CCDC102A: variants seen among roughly 807,000 people sequenced by gnomAD.
CCDC102A encodes the protein coiled-coil domain containing 102A.
In CCDC102A, 40 loss-of-function variants were observed where a neutral mutation model predicts 55.5. The observed-to-expected ratio is 0.72, with a 90% CI of 0.56 to 0.94. CCDC102A has a LOEUF of 0.94. CCDC102A is among the 40% of genes least tolerant of loss of function. The probability of loss-of-function intolerance (pLI) is 0.00; values close to 1 mark genes in which losing one functional copy is unlikely to be tolerated. For synonymous variants in CCDC102A, 323 were observed against 339.0 expected (o/e 0.95, Z 0.52); for missense variants, 779 against 768.6 (o/e 1.01, Z -0.16).
chr16:57,513,357 T>C (rs2031897851), intron 8 of CCDC102A, among the ~76,000 whole-genome samples: 2 of 152,160 alleles, frequency 1.3e-5, no homozygotes, highest in African/African-American at 4.8e-5. Context: ...GAGGAAAACT[T>C]TGAGTCTAAG....
chr16:57,513,404 C>T (rs868425353), intron 8 of CCDC102A, among the ~76,000 whole-genome samples: 3 of 152,158 alleles, frequency 2.0e-5, no homozygotes, highest in South Asian at 2.1e-4. Context: ...CCTCCCCCAA[C>T]CCCCCAGCAA....
chr16:57,512,729 C>A lies in CCDC102A; in HGVS notation c.*12G>T, dbSNP rs778042315. 4 of 1,611,824 alleles carry A rather than the reference C, an allele frequency of 2.5e-6. No homozygotes were observed. Among genetic ancestry groups the A allele is most frequent in the Non-Finnish European group, 3.4e-6 (4 of 1,178,746 alleles). On this transcript the variant is annotated 3_prime_UTR_variant, in exon 9 of 9. Transcript: ENST00000258214. ...GTATGGGGCGGCCCATCCTGCCCAG[C>A]CACAGGAAGCTCTAGGCCACCTGGA...
chr16:57,525,548 AG>A (rs1330337588), intron 3 of CCDC102A, among the ~76,000 whole-genome samples: 1 of 152,156 alleles, frequency 6.6e-6, no homozygotes, highest in East Asian at 1.9e-4. Context: ...CCAAGGTCCC[AG>A]CTGCAACCTT....
chr16:57,528,498 G>T, intron 2 of CCDC102A, 95 bp downstream of exon 2: 1 of 901,226 alleles, frequency 1.1e-6, no homozygotes, highest in Non-Finnish European at 1.4e-6. Context: ...AGGAGGCCAG[G>T]CCTTTACTAG....
chr16:57,521,916 AG>A (rs1483229373), intron 3 of CCDC102A, among the ~76,000 whole-genome samples: 71 of 152,320 alleles, frequency 4.7e-4, no homozygotes, highest in African/African-American at 1.7e-3. Flanking sequence ...GGGTTCCCAG[AG>A]GGGACAACGT....
upstream of CCDC102A, chr16:57,536,702 C>G (rs924763990): frequency 6.6e-6 from 1 of 152,182 alleles, no homozygotes; most frequent in Non-Finnish European, 1.5e-5. Flanking sequence ...CCCGGCCCAC[C>G]GAGCTGCTGG....
chr16:57,531,601 A>G (rs1181181560), intron 1 of CCDC102A, among the ~76,000 whole-genome samples: 1 of 152,098 alleles, frequency 6.6e-6, no homozygotes, highest in East Asian at 1.9e-4. Context: ...TGTCATTACC[A>G]ATACTGATTC....
In CCDC102A at chr16:57,518,612, T is replaced by C. The variant is rs1296861747; in HGVS notation, c.1038+13A>G. ...TAAACCCAGGTCCTCCTGGGTCCCA[T>C]CCATGGCCTCACCTCGCCCCTCAGC... On this transcript the variant is annotated intron_variant, in intron 5 of 8. Coordinates refer to ENST00000258214, the MANE Select transcript of CCDC102A (RefSeq NM_033212.4). The C allele has an allele frequency of 6.2e-7, 1 of 1,606,418 alleles. No individual in the cohort carries two copies. Among genetic ancestry groups the C allele is most frequent in the South Asian group, 1.1e-5 (1 of 90,930 alleles).
In CCDC102A at chr16:57,526,013, G is replaced by C. The variant is rs769113206; in HGVS notation, c.700C>G (p.Arg234Gly). 27 of 1,604,768 alleles carry C rather than the reference G, an allele frequency of 1.7e-5. No homozygotes were observed. The African/African-American group carries it at 2.8e-4, about 17-fold the overall frequency. The change falls in exon 3 of 9, where the codon CGC becomes GGC. Residue 234 changes from arginine to glycine, a missense_variant. Physicochemically the swap from Arg to Gly is moderately radical, Grantham distance 125. Transcript: ENST00000258214. ...GPRGSSGRQE[R>G]SRLPWEDTAA... Reference sequence around the variant, plus strand: ...GTGTCCTCCCAGGGTAGCCGGCTGCGCTCCTGGCGGCCTGAGCTGCCCCGC... The same window carrying C: ...GTGTCCTCCCAGGGTAGCCGGCTGCCCTCCTGGCGGCCTGAGCTGCCCCGC...
Position 57,526,082 on chromosome 16 carries a change from A to G in CCDC102A, c.631T>C (p.Ser211Pro), listed in dbSNP as rs1296427963. Residue 211 changes from serine (S) to proline (P), a missense_variant, in exon 3 of 9, where the codon TCT becomes CCT. Coordinates refer to ENST00000258214, the MANE Select transcript of CCDC102A (RefSeq NM_033212.4). Reference protein sequence around the residue: ...ESLLKSMPEESEDCWEARSLG... With the variant: ...ESLLKSMPEEPEDCWEARSLG... Reference sequence around the variant, plus strand: ...CTGCGCGCCTCCCAGCAGTCCTCAGACTCCTCTGGCATGCTCTTCAGCAGG... The same window carrying G: ...CTGCGCGCCTCCCAGCAGTCCTCAGGCTCCTCTGGCATGCTCTTCAGCAGG... The G allele has an allele frequency of 1.3e-6, 2 of 1,577,904 alleles. No homozygotes were observed. The highest frequency in any genetic ancestry group is 1.7e-6 in the Non-Finnish European group (2 of 1,167,450).
Position 57,512,304 on chromosome 16 carries a change from AC to A in CCDC102A, c.*436del, listed in dbSNP as rs1258949193. The A allele has an allele frequency of 3.5e-5, 14 of 397,976 alleles. No individual in the cohort carries two copies. The highest frequency in any genetic ancestry group is 1.2e-3 in the Middle Eastern group (2 of 1,604). The allele number at this position is 397,976 out of a possible 1,614,324, so 24.7% of individuals were successfully genotyped here. On this transcript the variant is annotated 3_prime_UTR_variant, in exon 9 of 9. Transcript: ENST00000258214. Reference sequence around the variant, plus strand: ...TGCCATACTTTCAGATGCCCCAAGAACTTGAACTTCATTTATTACAAATAAC... The same window carrying A: ...TGCCATACTTTCAGATGCCCCAAGAATTGAACTTCATTTATTACAAATAAC...
At chr16:57,535,275 G>A (rs1434193120) in intron 1 of CCDC102A, among the ~76,000 whole-genome samples, 7 of 152,302 alleles carry the variant, frequency 4.6e-5, no homozygotes, top group African/African-American at 1.7e-4. Context: ...TGGCGGCTAG[G>A]CCTCCAGGCT....
chr16:57,514,436 G>C (rs1216580820), intron 8 of CCDC102A, among the ~76,000 whole-genome samples: 1 of 152,206 alleles, frequency 6.6e-6, no homozygotes, highest in Non-Finnish European at 1.5e-5. Context: ...CTGGTCTCAA[G>C]CAATCCTCTT....
intron 6 of CCDC102A, 126 bp downstream of exon 6, chr16:57,517,942 C>A (rs181396595): frequency 2.7e-6 from 3 of 1,123,876 alleles, no homozygotes; most frequent in Non-Finnish European, 3.8e-6. Flanking sequence ...TGGTCTAGCA[C>A]ACAAGGTGCT....
chr16:57,524,853 T>C (rs2032109859), intron 3 of CCDC102A, among the ~76,000 whole-genome samples: 2 of 152,212 alleles, frequency 1.3e-5, no homozygotes, highest in African/African-American at 2.4e-5. Flanking sequence ...GACCTCCACA[T>C]TCTAAATCCA....
intron 5 of CCDC102A, among the ~76,000 whole-genome samples, 167 bp downstream of exon 5, chr16:57,518,457 CT>C (rs2031995686): frequency 6.6e-6 from 1 of 152,246 alleles, no homozygotes; most frequent in African/African-American, 2.4e-5. Flanking sequence ...CTTCTGGCCT[CT>C]GTGTGGGAGA....
intron 5 of CCDC102A, 76 bp downstream of exon 5, chr16:57,518,549 C>T: frequency 8.3e-7 from 1 of 1,198,476 alleles, no homozygotes; most frequent in Non-Finnish European, 1.2e-6. Flanking sequence ...CTGCCCTGTT[C>T]CCAGTGACCT....
chr16:57,518,106 G>C lies in CCDC102A; in HGVS notation c.1210C>G (p.Leu404Val). 1 of 1,606,496 alleles carries C rather than the reference G, an allele frequency of 6.2e-7. No individual in the cohort carries two copies. The highest frequency in any genetic ancestry group is 8.5e-7 in the Non-Finnish European group (1 of 1,178,534). ...AAGAGCGCGGCCTGGCTGGCCCTCAGGTCGCAGTCCAGTGCGCTGGCTGTT... is the reference window on the plus strand; with the variant it reads ...AAGAGCGCGGCCTGGCTGGCCCTCACGTCGCAGTCCAGTGCGCTGGCTGTT... Reference protein sequence around the residue: ...RQTASALDCDLRASQAALFEK... With the variant: ...RQTASALDCDVRASQAALFEK... Residue 404 changes from leucine to valine, a missense_variant, in exon 6 of 9, where the codon CTG becomes GTG. By Grantham distance (32) the Leu-to-Val change is conservative (BLOSUM62 1). Coordinates refer to ENST00000258214, the MANE Select transcript of CCDC102A (RefSeq NM_033212.4).
chr16:57,529,037 G>C lies in CCDC102A; in HGVS notation c.141C>G (p.Pro47=). 2 of 1,113,926 alleles carry C rather than the reference G, an allele frequency of 1.8e-6. No individual in the cohort carries two copies. Among genetic ancestry groups the C allele is most frequent in the Non-Finnish European group, 2.2e-6 (2 of 912,356 alleles). The allele number at this position is 1,113,926 out of a possible 1,614,324, so 69.0% of individuals were successfully genotyped here. ...GCAGTGCGGGCGGCGGCCCGGGCGA[G>C]GGCGTGCCGCTGGGCGGCGTGGGCG... is the stretch of plus-strand genomic sequence containing the variant. ...SLPPTPPSGT[P]SPGPPPALPL... Residue 47 remains proline (P), a synonymous_variant, in exon 2 of 9, where the codon CCC becomes CCG. Transcript: ENST00000258214. The surrounding 1 kb of genome is among the most constrained non-coding windows in gnomAD (Gnocchi z 4.1).
Sources: allele counts gnomAD v4.1 joint callset (sites outside exome capture counted in the v4.1 genomes callset), GRCh38; gene constraint gnomAD v4.1.1; non-coding constraint Gnocchi (gnomAD v3.1); transcripts MANE v1.5; gene names NCBI Gene and HGNC (gene_info 2026-07-23, HGNC 2026-07-21).